The following PLEKHA8 variants were observed in gnomAD, a reference collection of about 807,000 sequenced individuals.
PLEKHA8 encodes the protein pleckstrin homology domain-containing family A member 8.
PLEKHA8 carries 36 observed loss-of-function variants against 68.2 expected under a neutral mutation model. The ratio of observed to expected loss-of-function variants is 0.53; its 90% CI spans 0.40 to 0.70. The LOEUF is 0.70. PLEKHA8 is among the 30% of genes least tolerant of loss of function. PLEKHA8 has a pLI of 0.00. For synonymous variants in PLEKHA8, 211 were observed against 216.1 expected (o/e 0.98, Z 0.20); for missense variants, 505 against 615.4 (o/e 0.82, Z 1.90).
chr7:30,071,254 T>G (rs148048375), intron 12 of PLEKHA8, among the ~76,000 whole-genome samples: 25 of 152,320 alleles, frequency 1.6e-4, no homozygotes, highest in African/African-American at 5.8e-4. Context: ...ACATGATGGA[T>G]AAAGGTCCTC....
chr7:30,030,236 C>T (rs751185891), intron 1 of PLEKHA8, among the ~76,000 whole-genome samples: 19 of 152,070 alleles, frequency 1.2e-4, no homozygotes, highest in Admixed American at 9.2e-4. Flanking sequence ...TTTTTTCATT[C>T]ATCTTCAACA....
In PLEKHA8 at chr7:30,083,892, C is replaced by T; in HGVS notation, c.*5105C>T. 2.0e-6 allele frequency: 2 copies of T among 985,406 alleles called. No individual in the cohort carries two copies. Among genetic ancestry groups the T allele is most frequent in the Non-Finnish European group, 2.4e-6 (2 of 829,912 alleles). 61.0% of individuals were successfully genotyped at this position (985,406 alleles called of 1,614,324 possible). A position where few individuals can be genotyped will look rare whatever the true frequency, so the allele number is the denominator to read the frequency against. On this transcript the variant is annotated 3_prime_UTR_variant, in exon 14 of 14. Coordinates refer to ENST00000449726, the MANE Select transcript of PLEKHA8 (RefSeq NM_001197026.2). The stretch of plus-strand genomic sequence containing the variant: ...AAAGTCGATCTTACCCACACAGACT[C>T]CTGTGTATGCGTGTCTGTTTATAGG...
intron 11 of PLEKHA8, 54 bp downstream of exon 11, chr7:30,062,081 A>T: frequency 1.9e-6 from 3 of 1,562,336 alleles, no homozygotes; most frequent in Non-Finnish European, 2.6e-6. Flanking sequence ...AAAAATTACC[A>T]GCAAAAAAAA....
intron 13 of PLEKHA8, among the ~76,000 whole-genome samples, chr7:30,116,167 T>C (rs1307544106): frequency 6.6e-6 from 1 of 150,720 alleles, no homozygotes; most frequent in Admixed American, 6.6e-5. Context: ...CGTATACATG[T>C]GTATACATAT....
intron 13 of PLEKHA8, among the ~76,000 whole-genome samples, chr7:30,104,546 GA>G (rs1795989311): frequency 6.6e-6 from 1 of 152,064 alleles, no homozygotes; most frequent in African/African-American, 2.4e-5. Flanking sequence ...ATGAACCCCA[GA>G]AACATTATGA....
chr7:30,123,500 C>T (rs1373263080), intron 13 of PLEKHA8, among the ~76,000 whole-genome samples: 1 of 152,200 alleles, frequency 6.6e-6, no homozygotes, highest in East Asian at 1.9e-4. Context: ...CCAGGCTGAG[C>T]TTTTAGAGTA....
intron 1 of PLEKHA8, among the ~76,000 whole-genome samples, chr7:30,036,772 ATCTTT>A (rs1791133162): frequency 6.6e-6 from 1 of 152,172 alleles, no homozygotes; most frequent in African/African-American, 2.4e-5. Context: ...TGAGGCTGGG[ATCTTT>A]TCTCTAAATC....
chr7:30,057,163 AG>A (rs1328393024), intron 9 of PLEKHA8, among the ~76,000 whole-genome samples: 5 of 152,008 alleles, frequency 3.3e-5, no homozygotes, highest in Non-Finnish European at 7.4e-5. Flanking sequence ...ATCAAGAAAT[AG>A]TATGTTTTCA....
chr7:30,076,657 A>G (rs1794627245), intron 13 of PLEKHA8, among the ~76,000 whole-genome samples: 1 of 152,198 alleles, frequency 6.6e-6, no homozygotes, highest in South Asian at 2.1e-4. Flanking sequence ...GGCTTTAAAT[A>G]TTATTGCCAA....
chr7:30,105,311 TAAAAAAAAAAAAA>T (rs59891172), intron 13 of PLEKHA8, among the ~76,000 whole-genome samples: 3 of 53,730 alleles, frequency 5.6e-5, no homozygotes, highest in African/African-American at 1.5e-4. Context: ...TCTCTATAAT[TAAAAAAAAAAAAA>T]AAAAAAAAAA....
intron 1 of PLEKHA8, among the ~76,000 whole-genome samples, chr7:30,039,130 AAGCTGGT>A (rs1278857772): frequency 6.6e-6 from 1 of 152,230 alleles, no homozygotes; most frequent in Non-Finnish European, 1.5e-5. Flanking sequence ...AGAAAAGAAT[AAGCTGGT>A]AGCAGTTTTG....
At chr7:30,121,744 G>A (rs543157527) in intron 13 of PLEKHA8, among the ~76,000 whole-genome samples, 125 of 152,330 alleles carry the variant, frequency 8.2e-4, no homozygotes, top group African/African-American at 2.8e-3. Flanking sequence ...TTTTGGAGAT[G>A]ATGCTGTTTA....
rs556899222 is a variant in PLEKHA8 at position 30,061,006 on chromosome 7, G to A, written c.1098+64G>A. 5 of 1,482,678 alleles carry A rather than the reference G, an allele frequency of 3.4e-6. No individual in the cohort carries two copies. The South Asian group carries it at 5.8e-5, about 17-fold the overall frequency. 91.8% of individuals were successfully genotyped at this position (1,482,678 alleles called of 1,614,324 possible). On this transcript the variant is annotated intron_variant, in intron 10 of 13. Coordinates refer to ENST00000449726, the MANE Select transcript of PLEKHA8 (RefSeq NM_001197026.2). ...AAAGGAAAATGTTCTCAACATTTTT[G>A]TGCTTGGCCAGAATAAATCAAAAAG...
chr7:30,089,181 C>T (rs549422526), downstream of PLEKHA8, among the ~76,000 whole-genome samples: 17 of 152,296 alleles, frequency 1.1e-4, no homozygotes, highest in African/African-American at 4.1e-4. Flanking sequence ...GACACAAAGA[C>T]ACGAACAGGC....
chr7:30,108,851 G>T (rs897773266), intron 13 of PLEKHA8, among the ~76,000 whole-genome samples: 2 of 152,204 alleles, frequency 1.3e-5, no homozygotes, highest in African/African-American at 4.8e-5. Context: ...CACCCCAGGT[G>T]TGGGGCTTTC....
chr7:30,100,913 G>C (rs908118803), intron 13 of PLEKHA8, among the ~76,000 whole-genome samples: 2 of 152,172 alleles, frequency 1.3e-5, no homozygotes, highest in Non-Finnish European at 2.9e-5. Context: ...ATTGCAGCTG[G>C]GCATGGTGGC....
At chr7:30,108,429 A>T (rs543209881) in intron 13 of PLEKHA8, among the ~76,000 whole-genome samples, 1 of 152,254 alleles carries the variant, frequency 6.6e-6, no homozygotes, top group South Asian at 2.1e-4. Flanking sequence ...GATAATGATT[A>T]TCTGTTCTTC....
At chr7:30,053,181 G>A (rs192803922) in intron 7 of PLEKHA8, among the ~76,000 whole-genome samples, 4 of 152,114 alleles carry the variant, frequency 2.6e-5, no homozygotes, top group African/African-American at 2.4e-5. Context: ...GATGTTATAC[G>A]TAACAGTGTG....
intron 11 of PLEKHA8, 128 bp from the exon 12 acceptor site, chr7:30,062,544 A>G: frequency 2.8e-6 from 2 of 701,870 alleles, no homozygotes; most frequent in East Asian, 2.7e-5. Flanking sequence ...GGACTGCCAT[A>G]TGATTTGACC....
Sources: allele counts gnomAD v4.1 joint callset (sites outside exome capture counted in the v4.1 genomes callset), GRCh38; gene constraint gnomAD v4.1.1; transcripts MANE v1.5; gene names NCBI Gene and HGNC (gene_info 2026-07-23, HGNC 2026-07-21).